DGKB: variants seen among roughly 807,000 people sequenced by gnomAD.
DGKB encodes 90 kDa diacylglycerol kinase.
DGKB carries 67 observed loss-of-function variants against 114.3 expected under a neutral mutation model. The observed-to-expected ratio is 0.59, with a 90% CI of 0.48 to 0.72. DGKB has a LOEUF of 0.72. Among genes scored for constraint, DGKB ranks in the 30% least tolerant of loss-of-function variants. DGKB has a pLI of 0.00. For synonymous variants in DGKB, 398 were observed against 323.1 expected (o/e 1.23, Z -2.49); for missense variants, 907 against 975.2 (o/e 0.93, Z 0.93).
At chr7:14,231,113 TTCTTTCTTTCTTTC>T (rs771616220) in intron 23 of DGKB, among the ~76,000 whole-genome samples, 1,680 of 132,688 alleles carry the variant, frequency 0.013, 16 homozygotes, top group African/African-American at 0.029. Flanking sequence ...CTTTCTTTCT[TTCTTTCTTTCTTTC>T]TTTCTTTCTT....
chr7:14,802,258 A>G (rs577020828), intron 2 of DGKB, among the ~76,000 whole-genome samples: 1 of 152,232 alleles, frequency 6.6e-6, no homozygotes, highest in East Asian at 1.9e-4. Context: ...AAATTTTTTA[A>G]GTAGTAGTTA....
At chr7:14,808,920 A>G (rs1843082176) in intron 2 of DGKB, among the ~76,000 whole-genome samples, 1 of 152,146 alleles carries the variant, frequency 6.6e-6, no homozygotes, top group Non-Finnish European at 1.5e-5. Flanking sequence ...CTAAATTCCT[A>G]CTAATTCCAG....
intron 23 of DGKB, among the ~76,000 whole-genome samples, chr7:14,193,494 A>G (rs962754233): frequency 2.6e-5 from 4 of 152,176 alleles, no homozygotes; most frequent in Non-Finnish European, 4.4e-5. Flanking sequence ...CAATAATCAC[A>G]TGCAAAAGAA....
At position 14,779,825 on chromosome 7, in the gene DGKB, A is replaced by C. The variant is rs529628953; in HGVS notation, c.71-22094T>G. On this transcript the variant is annotated intron_variant, in intron 2 of 25. Transcript: ENST00000402815. ...ACTTTATAACTGTAAATATTTTACT[A>C]AGAACTTTATTTGTTAATTCTTCAA... Among the ~76,000 whole-genome samples, 9 of 152,276 alleles carry C rather than the reference A, an allele frequency of 5.9e-5. No homozygotes were observed. The East Asian group carries it at 1.7e-3, about 29-fold the overall frequency.
intron 13 of DGKB, among the ~76,000 whole-genome samples, chr7:14,642,793 T>C (rs1252407678): frequency 6.6e-6 from 1 of 152,244 alleles, no homozygotes; most frequent in East Asian, 1.9e-4. Flanking sequence ...CTGTTTTGAA[T>C]ACTGTTAGCA....
At chr7:14,892,864 A>ATATGTG (rs1554334466) in intron 1 of DGKB, among the ~76,000 whole-genome samples, 192 of 147,118 alleles carry the variant, frequency 1.3e-3, no homozygotes, top group East Asian at 1.4e-3. Flanking sequence ...ATATATATAT[A>ATATGTG]TGTGTGTGTG....
intron 21 of DGKB, among the ~76,000 whole-genome samples, chr7:14,415,808 A>C (rs1825635581): frequency 6.6e-6 from 1 of 152,206 alleles, no homozygotes; most frequent in Middle Eastern, 3.4e-3. Context: ...GCTGGGTCAA[A>C]TGATATTTCT....
intron 13 of DGKB, among the ~76,000 whole-genome samples, chr7:14,645,666 A>G (rs1812820465): frequency 1.3e-5 from 2 of 152,020 alleles, no homozygotes; most frequent in Admixed American, 6.6e-5. Context: ...ATATGGTCAG[A>G]AGAGCATGAG....
intron 2 of DGKB, among the ~76,000 whole-genome samples, chr7:14,788,804 T>C (rs556218025): frequency 6.6e-6 from 1 of 152,220 alleles, no homozygotes; most frequent in Non-Finnish European, 1.5e-5. Context: ...GATTCGTGAG[T>C]GCAACAAACT....
intron 20 of DGKB, among the ~76,000 whole-genome samples, chr7:14,550,272 G>C (rs775781834): frequency 6.6e-6 from 1 of 151,588 alleles, no homozygotes; most frequent in African/African-American, 2.4e-5. Context: ...ATTTACTAAG[G>C]AGTTTAGTGT....
At chr7:14,642,748 C>T (rs933973494) in intron 13 of DGKB, among the ~76,000 whole-genome samples, 3 of 152,134 alleles carry the variant, frequency 2.0e-5, no homozygotes, top group Non-Finnish European at 4.4e-5. Context: ...AAACTTACTA[C>T]ATTTTATTTT....
chr7:14,466,704 G>A lies in DGKB; in HGVS notation c.1835+11457C>T, dbSNP rs898966967. ...ATGGTGGTGCACATCTGTAGTCCCAGCTACTTAGGAGGCTGAGGCAATAGA... is the reference window on the plus strand; with the variant it reads ...ATGGTGGTGCACATCTGTAGTCCCAACTACTTAGGAGGCTGAGGCAATAGA... On this transcript the variant is annotated intron_variant, in intron 21 of 25. Transcript: ENST00000402815. Among the ~76,000 whole-genome samples the A allele has an allele frequency of 4.0e-5, 6 of 151,892 alleles. 1 individual carries two copies. The East Asian group carries it at 1.2e-3, about 29-fold the overall frequency.
At chr7:14,391,889 A>G (rs983165079) in intron 21 of DGKB, among the ~76,000 whole-genome samples, 1 of 152,218 alleles carries the variant, frequency 6.6e-6, no homozygotes, top group Non-Finnish European at 1.5e-5. Context: ...TACTAATCAT[A>G]TGAAATGAGA....
chr7:14,829,019 T>G (rs111639283), intron 2 of DGKB, among the ~76,000 whole-genome samples: 4 of 151,874 alleles, frequency 2.6e-5, no homozygotes, highest in African/African-American at 9.7e-5. Flanking sequence ...AGAAAAAAAA[T>G]AGAAATGGTT....
chr7:14,740,054 G>T (rs1353658286), intron 4 of DGKB, among the ~76,000 whole-genome samples: 2 of 152,220 alleles, frequency 1.3e-5, no homozygotes, highest in South Asian at 2.1e-4. Context: ...AGGCCCCAGG[G>T]CAATCTTGGG....
chr7:14,173,675 G>A (rs889706570), intron 25 of DGKB, among the ~76,000 whole-genome samples: 1 of 151,998 alleles, frequency 6.6e-6, no homozygotes, highest in African/African-American at 2.4e-5. Context: ...AGCAAAAAAC[G>A]CTCCATAGTT....
intron 20 of DGKB, among the ~76,000 whole-genome samples, chr7:14,517,176 C>T (rs1184080533): frequency 6.6e-6 from 1 of 151,924 alleles, no homozygotes; most frequent in East Asian, 1.9e-4. Context: ...GTCTGATCTT[C>T]AACAAAGCTG....
intron 20 of DGKB, among the ~76,000 whole-genome samples, chr7:14,501,992 T>G (rs1786259480): frequency 6.6e-6 from 1 of 151,864 alleles, no homozygotes; most frequent in Non-Finnish European, 1.5e-5. Context: ...TTGCAATATA[T>G]TTTTGGGTTA....
intron 20 of DGKB, among the ~76,000 whole-genome samples, chr7:14,556,279 CATA>C (rs1165232012): frequency 6.6e-6 from 1 of 151,812 alleles, no homozygotes; most frequent in Admixed American, 6.6e-5. Flanking sequence ...TTCATATTAA[CATA>C]ATAACTGGTA....
Sources: allele counts gnomAD v4.1 joint callset (sites outside exome capture counted in the v4.1 genomes callset), GRCh38; gene constraint gnomAD v4.1.1; transcripts MANE v1.5; gene names NCBI Gene and HGNC (gene_info 2026-07-23, HGNC 2026-07-21).